Variants in NIBAN1 observed in about 807,000 individuals in gnomAD.
NIBAN1 encodes the protein niban apoptosis regulator 1.
Under a neutral mutation model 75.1 loss-of-function variants are expected in NIBAN1, and 81 were observed. That is an observed-to-expected ratio of 1.08 (90% confidence interval 0.90 to 1.30). The LOEUF (loss-of-function observed/expected upper bound fraction) is 1.30, where lower values mean the gene tolerates loss of function less well. NIBAN1 is among the 50% of genes most tolerant of loss of function. The probability of loss-of-function intolerance (pLI) is 0.00; values close to 1 mark genes in which losing one functional copy is unlikely to be tolerated. For missense variants in NIBAN1, 1,133 were observed against 1,128.1 expected (o/e 1.00, Z -0.06); for synonymous variants, 436 against 424.8 (o/e 1.03, Z -0.32).
intron 5 of NIBAN1, among the ~76,000 whole-genome samples, chr1:184,852,731 G>A (rs578003961): frequency 1.6e-4 from 24 of 152,282 alleles, no homozygotes; most frequent in African/African-American, 4.6e-4. Flanking sequence ...ATAAAGTTCC[G>A]TCTTCAAGGC....
intron 3 of NIBAN1, 118 bp downstream of exon 3, chr1:184,893,957 A>G: frequency 9.8e-7 from 1 of 1,023,466 alleles, no homozygotes. Context: ...CTATTTTTGT[A>G]CCAGTACCAT....
At chr1:184,920,186 G>A (rs187042944) in intron 1 of NIBAN1, among the ~76,000 whole-genome samples, 2 of 152,232 alleles carry the variant, frequency 1.3e-5, no homozygotes, top group Admixed American at 1.3e-4. Context: ...CAGAGCCCAT[G>A]ACTAAATTAT....
intron 1 of NIBAN1, among the ~76,000 whole-genome samples, chr1:184,936,968 A>T (rs1437504575): frequency 6.6e-6 from 1 of 152,062 alleles, no homozygotes; most frequent in Non-Finnish European, 1.5e-5. Context: ...AGGGACTTAT[A>T]TGAAGTCACA....
At position 184,948,467 on chromosome 1, in the gene NIBAN1, C is replaced by T. The variant is rs1351227843; in HGVS notation, c.55+25835G>A. ...TGATATATTATGCATCTATGATGGCCTTTCTTTTTAAAACTGTAATTTTAA... is the reference window on the plus strand; with the variant it reads ...TGATATATTATGCATCTATGATGGCTTTTCTTTTTAAAACTGTAATTTTAA... On this transcript the variant is annotated intron_variant, in intron 1 of 13. Coordinates refer to ENST00000367511, the MANE Select transcript of NIBAN1 (RefSeq NM_052966.4). Among the ~76,000 whole-genome samples, 3 of 152,110 alleles carry T rather than the reference C, an allele frequency of 2.0e-5. No individual in the cohort carries two copies. The East Asian group carries it at 5.8e-4, about 29-fold the overall frequency.
At chr1:184,940,303 C>T (rs966984457) in intron 1 of NIBAN1, among the ~76,000 whole-genome samples, 4 of 152,172 alleles carry the variant, frequency 2.6e-5, no homozygotes, top group Admixed American at 1.3e-4. Flanking sequence ...TCTCCACTTC[C>T]ACTGCAAAAC....
At chr1:184,922,729 C>T (rs560476626) in intron 1 of NIBAN1, among the ~76,000 whole-genome samples, 434 of 152,308 alleles carry the variant, frequency 2.8e-3, no homozygotes, top group Non-Finnish European at 3.2e-3. Context: ...GCCTCAGCCT[C>T]CCAAGTAGCT....
chr1:184,831,787 C>T (rs1655006137), intron 6 of NIBAN1, 60 bp downstream of exon 6: 2 of 1,200,210 alleles, frequency 1.7e-6, no homozygotes, highest in Non-Finnish European at 2.5e-6. Context: ...ATGACCCTGA[C>T]TTCGTATCAC....
intron 5 of NIBAN1, among the ~76,000 whole-genome samples, chr1:184,882,609 G>A (rs1281428794): frequency 6.6e-6 from 1 of 152,194 alleles, no homozygotes; most frequent in Non-Finnish European, 1.5e-5. Flanking sequence ...GCAGAGTGGG[G>A]TTTTGAATGG....
chr1:184,827,560 G>GTGTTTTTTT (rs1553217798), intron 6 of NIBAN1, among the ~76,000 whole-genome samples: 2 of 117,682 alleles, frequency 1.7e-5, no homozygotes, highest in Non-Finnish European at 3.3e-5. Flanking sequence ...AAATACTTCA[G>GTGTTTTTTT]TTTTTTTTTT....
chr1:184,879,669 A>G (rs867668347), intron 5 of NIBAN1, among the ~76,000 whole-genome samples: 4 of 152,206 alleles, frequency 2.6e-5, no homozygotes, highest in African/African-American at 9.7e-5. Context: ...CTAAATTTCA[A>G]TTTAATTCCA....
chr1:184,893,736 C>T (rs1405748340), intron 3 of NIBAN1, among the ~76,000 whole-genome samples: 1 of 152,162 alleles, frequency 6.6e-6, no homozygotes, highest in East Asian at 1.9e-4. Flanking sequence ...AGGAAAGGCT[C>T]CCATGCCAAA....
At chr1:184,923,593 C>A (rs950374865) in intron 1 of NIBAN1, among the ~76,000 whole-genome samples, 3 of 152,086 alleles carry the variant, frequency 2.0e-5, no homozygotes, top group Non-Finnish European at 4.4e-5. Flanking sequence ...TTTTCTATTT[C>A]TGTGAAGAAT....
chr1:184,812,127 C>T (rs1177345855), intron 9 of NIBAN1, among the ~76,000 whole-genome samples: 1 of 152,152 alleles, frequency 6.6e-6, no homozygotes. Flanking sequence ...TATGCACCCT[C>T]CCACAGGCAA....
rs1653853002 is a variant in NIBAN1, at chr1:184,796,001, G to A, written c.1763C>T (p.Pro588Leu). ...GCTGGCCTGGTTTGACCCTGTGGGGGGCTTTAGATCTGTTAAGCTGGACAC... is the reference window on the plus strand; with the variant it reads ...GCTGGCCTGGTTTGACCCTGTGGGGAGCTTTAGATCTGTTAAGCTGGACAC... ...ESVSSLTDLK[P>L]PTGSNQASPA... Residue 588 changes from proline to leucine, a missense_variant, in exon 14 of 14, where the codon CCC becomes CTC. Pro to Leu is a moderately conservative substitution (Grantham distance 98, BLOSUM62 -3). Transcript: ENST00000367511. 1 of 1,613,388 alleles carries A rather than the reference G, an allele frequency of 6.2e-7. No homozygotes were observed. Among genetic ancestry groups the A allele is most frequent in the Non-Finnish European group, 8.5e-7 (1 of 1,179,984 alleles).
At chr1:184,821,967 G>A (rs531035696) in intron 8 of NIBAN1, among the ~76,000 whole-genome samples, 3 of 152,248 alleles carry the variant, frequency 2.0e-5, no homozygotes, top group Non-Finnish European at 2.9e-5. Context: ...GGCTGCAGTG[G>A]AAAGGGGGCC....
intron 1 of NIBAN1, among the ~76,000 whole-genome samples, chr1:184,933,036 TTAGA>T (rs1571584833): frequency 6.6e-6 from 1 of 152,192 alleles, no homozygotes; most frequent in African/African-American, 2.4e-5. Flanking sequence ...TAAAGAGTAA[TTAGA>T]TAAAGTGCAA....
intron 5 of NIBAN1, among the ~76,000 whole-genome samples, chr1:184,870,125 C>A (rs1338497935): frequency 6.6e-6 from 1 of 152,150 alleles, no homozygotes; most frequent in Non-Finnish European, 1.5e-5. Context: ...AAAGTCTCTT[C>A]CCCCCAACTC....
intron 1 of NIBAN1, among the ~76,000 whole-genome samples, chr1:184,959,030 T>G (rs965866921): frequency 6.6e-6 from 1 of 152,248 alleles, no homozygotes; most frequent in Non-Finnish European, 1.5e-5. Context: ...ATCTCTGAAT[T>G]CTTTTTAGCT....
intron 9 of NIBAN1, among the ~76,000 whole-genome samples, chr1:184,816,910 G>A (rs1055271292): frequency 2.0e-5 from 3 of 151,840 alleles, no homozygotes; most frequent in African/African-American, 4.8e-5. Context: ...AAGTTCTAGG[G>A]TAAATGTGCA....
Sources: gnomAD v4.1 joint callset for allele counts (sites outside exome capture counted in the v4.1 genomes callset) on GRCh38, gnomAD v4.1.1 for gene constraint, MANE v1.5 for transcripts, NCBI Gene and HGNC (gene_info 2026-07-23, HGNC 2026-07-21) for gene names.